Variants in STRN4 observed in about 807,000 individuals in gnomAD.
STRN4 encodes the protein striatin 4.
In STRN4, 27 loss-of-function variants were observed where a neutral mutation model predicts 77.9. The observed-to-expected ratio is 0.35, with a 90% confidence interval of 0.26 to 0.48. STRN4 has a LOEUF of 0.48. Among genes scored for constraint, STRN4 ranks in the 20% least tolerant of loss-of-function variants. STRN4 has a pLI of 0.99. For missense variants in STRN4, 798 were observed against 1,049.7 expected, an observed-to-expected ratio of 0.76 and a Z score of 3.31; for synonymous variants, 466 against 443.1, an observed-to-expected ratio of 1.05 and a Z score of -0.65.
Position 46,723,229 on chromosome 19 carries a change from C to A in STRN4, c.1650G>T (p.Leu550=). The change falls in exon 13 of 18, where the codon CTG becomes CTT. Residue 550 remains leucine, a synonymous_variant. Coordinates refer to ENST00000263280, the MANE Select transcript of STRN4 (RefSeq NM_013403.3). The surrounding 1 kb of genome is among the most constrained non-coding windows in gnomAD (Gnocchi z 5.5). ...GGCGCTGGGAGGTGGGACTGAAGGC[C>A]AGGCCCCACACGGCGTCCCCGTGGC... The part of the protein sequence containing the change: ...LEGHGDAVWG[L]AFSPTSQRLA... The A allele has an allele frequency of 6.4e-7, 1 of 1,552,502 alleles. No individual in the cohort carries two copies. The highest frequency in any genetic ancestry group is 2.4e-5 in the East Asian group (1 of 41,154).
chr19:46,743,042 C>A (rs1036326697), intron 1 of STRN4, among the ~76,000 whole-genome samples: 1 of 152,318 alleles, frequency 6.6e-6, no homozygotes, highest in East Asian at 1.9e-4. Flanking sequence ...TCCCGTGGGA[C>A]GCTATGCAGC....
In STRN4 at chr19:46,728,086, G is replaced by A. The variant is rs961591015; in HGVS notation, c.1040-79C>T. The A allele has an allele frequency of 3.1e-6, 4 of 1,298,922 alleles. No homozygotes were observed. In the African/African-American group the frequency reaches 4.4e-5, roughly 14 times the overall value. The allele number at this position is 1,298,922 out of a possible 1,614,324, so 80.5% of individuals were successfully genotyped here. Reference sequence around the variant, plus strand: ...GCATAGGTGACGCCTTCCCCACACTGAGGGCCCCCTGCCACTCTGTGGGGC... The same window carrying A: ...GCATAGGTGACGCCTTCCCCACACTAAGGGCCCCCTGCCACTCTGTGGGGC... On this transcript the variant is annotated intron_variant, in intron 7 of 17. Transcript: ENST00000263280.
rs532928910 is a variant in STRN4 at position 46,744,719 on chromosome 19, G to A, written c.282+1430C>T. ...ACAATTCTCATCAGCTATTTATTTG[G>A]GTACCAGCTTCCTACTAGATAGCAA... is the stretch of plus-strand genomic sequence containing the variant. On this transcript the variant is annotated intron_variant, in intron 1 of 17. Transcript: ENST00000263280. Among the ~76,000 whole-genome samples the A allele has an allele frequency of 3.9e-5, 6 of 151,974 alleles. No individual in the cohort carries two copies. The South Asian group carries it at 1.2e-3, about 32-fold the overall frequency.
At chr19:46,742,871 T>C (rs142446127) in intron 1 of STRN4, among the ~76,000 whole-genome samples, 2 of 152,348 alleles carry the variant, frequency 1.3e-5, no homozygotes, top group East Asian at 1.9e-4. Context: ...CAATCACTGT[T>C]TCATAAACAC....
At chr19:46,728,871 G>C (rs933787065) in intron 6 of STRN4, 94 bp from the exon 7 acceptor site, 5 of 1,531,694 alleles carry the variant, frequency 3.3e-6, no homozygotes, top group Non-Finnish European at 4.4e-6. Context: ...GGGGCTCTGG[G>C]CCCGTTTCTG....
chr19:46,746,231 C>A lies in STRN4; in HGVS notation c.200G>T (p.Gly67Val). ...CTCGTGCTGGATAAAGTGCAGGATCCCCGGCAGGCTCAGGGGCTCCGGGCC... is the reference window on the plus strand; with the variant it reads ...CTCGTGCTGGATAAAGTGCAGGATCACCGGCAGGCTCAGGGGCTCCGGGCC... ...TAGPEPLSLP[G>V]ILHFIQHEWA... Residue 67 changes from glycine (G) to valine (V), a missense_variant, in exon 1 of 18, where the codon GGG (glycine) becomes GTG (valine). Around this residue, in one of 2 missense-constraint regions of STRN4, gnomAD observed 511 missense variants for 575.9 expected, o/e 0.89. Transcript: ENST00000263280. 6.5e-7 allele frequency: 1 copy of A among 1,527,380 alleles called. No homozygotes were observed. The highest frequency in any genetic ancestry group is 1.2e-5 in the South Asian group (1 of 83,804). 94.6% of individuals were successfully genotyped at this position (1,527,380 alleles called of 1,614,324 possible).
At position 46,741,455 on chromosome 19, in the gene STRN4, T is replaced by C. The variant is rs923019839; in HGVS notation, c.283-2567A>G. On this transcript the variant is annotated intron_variant, in intron 1 of 17. Transcript: ENST00000263280. This position sits in a 1 kb window ranked among gnomAD's most constrained non-coding sequence, Gnocchi z 4.9. ...TGGAAAGAGAACCAGAAAGACATGG[T>C]TGGAGCATCTCAGGGAGGTGGAAAC... 9.2e-5 allele frequency among the ~76,000 whole-genome samples: 14 copies of C among 152,304 alleles called. No homozygotes were observed. The highest frequency in any genetic ancestry group is 9.2e-4 in the Admixed American group (14 of 15,298).
chr19:46,727,466 CGTT>C lies in STRN4; in HGVS notation c.1231_1233del (p.Asn411del), dbSNP rs1253705812. On this transcript the variant is annotated inframe_deletion, in exon 9 of 18. Transcript: ENST00000263280. ...GGAGAACTTACATCGCAGCTGAGGT[CGTT>C]GTCGTTGGTGACGGTGAGATCTGCC... is the stretch of plus-strand genomic sequence containing the variant. 2 of 1,613,872 alleles carry C rather than the reference CGTT, an allele frequency of 1.2e-6. No individual in the cohort carries two copies. Among genetic ancestry groups the C allele is most frequent in the Admixed American group, 1.7e-5 (1 of 59,998 alleles).
At chr19:46,728,194 G>A (rs1413104755) in intron 7 of STRN4, 187 bp from the exon 8 acceptor site, 1 of 707,804 alleles carries the variant, frequency 1.4e-6, no homozygotes, top group African/African-American at 1.7e-5. Flanking sequence ...CAGTGGGCAG[G>A]TCACTGCCTT....
At chr19:46,721,840 C>T (rs1304000125) in intron 16 of STRN4, 146 bp downstream of exon 16, 4 of 786,738 alleles carry the variant, frequency 5.1e-6, no homozygotes, top group Non-Finnish European at 6.3e-6. Context: ...TGTGCTGCCC[C>T]CTATGGTCAC....
intron 1 of STRN4, among the ~76,000 whole-genome samples, chr19:46,744,545 G>A (rs1174725599): frequency 1.3e-5 from 2 of 151,910 alleles, no homozygotes; most frequent in Non-Finnish European, 2.9e-5. Flanking sequence ...CACCACACCC[G>A]GCTAATTTTT....
At position 46,725,572 on chromosome 19, in the gene STRN4, C is replaced by T. The variant is rs1280154376; in HGVS notation, c.1325G>A (p.Arg442His). 4 of 1,614,216 alleles carry T rather than the reference C, an allele frequency of 2.5e-6. No individual in the cohort carries two copies. Among genetic ancestry groups the T allele is most frequent in the African/African-American group, 1.3e-5 (1 of 75,060 alleles). The change falls in exon 10 of 18, where the codon CGT (arginine) becomes CAT (histidine). Residue 442 changes from arginine to histidine, a missense_variant. By Grantham distance (29) the Arg-to-His change is conservative. Transcript: ENST00000263280. ...CTGGCTGTGGTGGAAGGCCAGGGAA[C>T]GAATGCCGTCGTAGTGCGAGCGCAG... Reference protein sequence around the residue: ...FTLRSHYDGIRSLAFHHSQSA... With the variant: ...FTLRSHYDGIHSLAFHHSQSA...
Position 46,730,724 on chromosome 19 carries a change from G to A in STRN4, c.879+8C>T, listed in dbSNP as rs924100438. The A allele has an allele frequency of 6.2e-7, 1 of 1,611,178 alleles. No homozygotes were observed. Among genetic ancestry groups the A allele is most frequent in the South Asian group, 1.1e-5 (1 of 91,032 alleles). ...CCAGGCTGTGCAGGGCATGGAGGAAGGGCTCACCTTCACACGCTGCTTCTT... is the reference window on the plus strand; with the variant it reads ...CCAGGCTGTGCAGGGCATGGAGGAAAGGCTCACCTTCACACGCTGCTTCTT... On this transcript the variant is annotated splice_region_variant and intron_variant, in intron 6 of 17. Coordinates refer to ENST00000263280, the MANE Select transcript of STRN4 (RefSeq NM_013403.3).
intron 11 of STRN4, 143 bp downstream of exon 11, chr19:46,725,189 G>T: frequency 8.2e-7 from 1 of 1,218,642 alleles, no homozygotes; most frequent in Non-Finnish European, 1.2e-6. Flanking sequence ...AACCAGGGCT[G>T]TGTATATCAT....
rs756286906 is a variant in STRN4, at chr19:46,725,419, G to A, written c.1425-40C>T. 22 of 1,613,810 alleles carry A rather than the reference G, an allele frequency of 1.4e-5. No homozygotes were observed. The South Asian group carries it at 2.0e-4, about 14-fold the overall frequency. ...AGGAGCCTGATGTCACTGAGACCCTGTCACCCCCGTCCCCAGATGCCCCTG... is the reference window on the plus strand; with the variant it reads ...AGGAGCCTGATGTCACTGAGACCCTATCACCCCCGTCCCCAGATGCCCCTG... On this transcript the variant is annotated intron_variant, in intron 10 of 17. Transcript: ENST00000263280.
rs776645539 is a variant in STRN4, at chr19:46,727,580, G to A, written c.1154-34C>T. On this transcript the variant is annotated intron_variant, in intron 8 of 17. Coordinates refer to ENST00000263280, the MANE Select transcript of STRN4 (RefSeq NM_013403.3). ...AAGCCAAAGGAACCTGGTAGGGGGA[G>A]GGGAGGGAGGGGCAGAGAGGGCCAG... 5.7e-6 allele frequency: 9 copies of A among 1,585,834 alleles called. No individual in the cohort carries two copies. The South Asian group carries it at 7.7e-5, about 14-fold the overall frequency.
intron 14 of STRN4, 34 bp downstream of exon 14, chr19:46,722,776 G>C (rs1197065681): frequency 1.2e-6 from 2 of 1,611,426 alleles, no homozygotes; most frequent in Admixed American, 3.3e-5. Flanking sequence ...AAGACACTGA[G>C]ACCAATTCCA....
At chr19:46,730,485 G>A (rs549608063) in intron 6 of STRN4, among the ~76,000 whole-genome samples, 3 of 152,272 alleles carry the variant, frequency 2.0e-5, no homozygotes, top group South Asian at 2.1e-4. Flanking sequence ...GGAAAGCTCC[G>A]AGGCCATCTG....
chr19:46,739,832 G>A (rs562678773), intron 1 of STRN4, among the ~76,000 whole-genome samples: 1 of 152,352 alleles, frequency 6.6e-6, no homozygotes, highest in East Asian at 1.9e-4. Flanking sequence ...CATGTGCTAG[G>A]TTCTGCTCAG....
Sources: gnomAD v4.1 joint callset for allele counts (sites outside exome capture counted in the v4.1 genomes callset) on GRCh38, gnomAD v4.1.1 for gene constraint, gnomAD v4.1.1 regional missense constraint, Gnocchi (gnomAD v3.1) non-coding constraint, MANE v1.5 for transcripts, NCBI Gene and HGNC (gene_info 2026-07-23, HGNC 2026-07-21) for gene names.